The following PREP variants were observed in gnomAD, a reference collection of about 807,000 sequenced individuals.
The protein encoded by PREP is prolyl endopeptidase, also known as dJ355L5.1 (prolyl endopeptidase).
A neutral mutation model predicts 87.6 loss-of-function variants in PREP; 29 were observed. The ratio of observed to expected loss-of-function variants is 0.33; its 90% CI spans 0.25 to 0.45. PREP has a LOEUF of 0.45. Ranked by LOEUF, PREP falls within the 20% of genes least tolerant of loss-of-function variation. PREP has a pLI of 1.00. For synonymous variants in PREP, 337 were observed against 328.6 expected (o/e 1.03, Z -0.28); for missense variants, 695 against 886.5 (o/e 0.78, Z 2.74).
intron 7 of PREP, among the ~76,000 whole-genome samples, chr6:105,347,731 G>A (rs1771834960): frequency 6.6e-6 from 1 of 151,988 alleles, no homozygotes; most frequent in South Asian, 2.1e-4. Context: ...TTAAAAATAA[G>A]GCCAGACACA....
intron 8 of PREP, among the ~76,000 whole-genome samples, chr6:105,332,335 A>C (rs539468751): frequency 1.3e-5 from 2 of 152,240 alleles, no homozygotes; most frequent in Admixed American, 6.5e-5. Flanking sequence ...CCTTCCAGGC[A>C]CAGAAAGCAT....
chr6:105,396,994 G>C (rs2114737071), intron 2 of PREP, among the ~76,000 whole-genome samples: 1 of 152,080 alleles, frequency 6.6e-6, no homozygotes, highest in African/African-American at 2.4e-5. Context: ...GACCAGCCTG[G>C]CCAACATGGT....
intron 10 of PREP, among the ~76,000 whole-genome samples, chr6:105,304,345 C>T (rs1562193047): frequency 6.6e-6 from 1 of 152,108 alleles, no homozygotes; most frequent in Non-Finnish European, 1.5e-5. Context: ...GGAACCAATC[C>T]CCTGTGGAAT....
rs1772680097 is a variant in PREP at position 105,376,128 on chromosome 6, G to A, written c.382C>T (p.Arg128Ter). The A allele has an allele frequency of 2.5e-6, 4 of 1,612,798 alleles. No individual in the cohort carries two copies. The highest frequency in any genetic ancestry group is 3.4e-6 in the Non-Finnish European group (4 of 1,179,438). Reference protein sequence around the residue: ...ILSDDGTVALRGYAFSEDGEY... With the variant: ...ILSDDGTVAL ...GGCCTCTCTGTGTAGCACTTACCTC[G>A]GAGTGCCACTGTGCCATCGTCAGAC... The change falls in exon 4 of 15, where the codon CGA becomes TGA. Residue 128 changes from arginine to a stop codon, truncating the protein, a stop_gained. Transcript: ENST00000652536. LOFTEE classifies it high-confidence loss of function.
chr6:105,347,022 C>T (rs544521888), intron 7 of PREP, among the ~76,000 whole-genome samples: 18 of 151,788 alleles, frequency 1.2e-4, no homozygotes, highest in African/African-American at 4.4e-4. Flanking sequence ...ATCACTTGAA[C>T]CCAGGAGGCG....
intron 8 of PREP, among the ~76,000 whole-genome samples, chr6:105,330,338 TA>T (rs1336378184): frequency 6.6e-6 from 1 of 152,070 alleles, no homozygotes; most frequent in Admixed American, 6.5e-5. Context: ...AAGCGGGAGA[TA>T]AAGTCTGGGC....
rs1351301893 is a variant in PREP, at chr6:105,273,765, T to C, written c.*4379A>G. 1 of 152,740 alleles carries C rather than the reference T, an allele frequency of 6.5e-6. No homozygotes were observed. Among genetic ancestry groups the C allele is most frequent in the Non-Finnish European group, 1.5e-5 (1 of 68,470 alleles). The allele number at this position is 152,740 out of a possible 1,614,324, so 9.5% of individuals were successfully genotyped here. A position where few individuals can be genotyped will look rare whatever the true frequency, so the allele number is the denominator to read the frequency against. ...ACTGAGCTGCCTGCCATCTCTAGTG[T>C]ATCCTCCAGGCCTCGCCTGGCTCCC... is the stretch of plus-strand genomic sequence containing the variant. On this transcript the variant is annotated 3_prime_UTR_variant, in exon 15 of 15. Transcript: ENST00000652536.
At position 105,278,563 on chromosome 6, in the gene PREP, T is replaced by A. The variant is rs1769999863; in HGVS notation, c.1839-125A>T. The A allele has an allele frequency of 9.9e-7, 1 of 1,006,342 alleles. No homozygotes were observed. Among genetic ancestry groups the A allele is most frequent in the Admixed American group, 2.6e-5 (1 of 38,114 alleles). 62.3% of individuals were successfully genotyped at this position (1,006,342 alleles called of 1,614,324 possible). ...TAGTACGTGAGTGACCACCATGGAC[T>A]GTGCCTATGCGTTACCATTTAGGCC... On this transcript the variant is annotated intron_variant, in intron 14 of 14. Coordinates refer to ENST00000652536, the MANE Select transcript of PREP (RefSeq NM_002726.5). The surrounding 1 kb of genome is among the most constrained non-coding windows in gnomAD (Gnocchi z 4.2).
chr6:105,381,470 GA>G (rs1310219767), intron 2 of PREP, among the ~76,000 whole-genome samples: 2 of 152,086 alleles, frequency 1.3e-5, no homozygotes, highest in African/African-American at 4.8e-5. Flanking sequence ...TAAAGAAAAA[GA>G]AAATGGAAGT....
chr6:105,354,156 ACAATC>A (rs1772031268), intron 6 of PREP, among the ~76,000 whole-genome samples: 1 of 152,210 alleles, frequency 6.6e-6, no homozygotes, highest in Non-Finnish European at 1.5e-5. Flanking sequence ...GTATAGTATT[ACAATC>A]CAGAAATATA....
chr6:105,394,039 T>C (rs1257962618), intron 2 of PREP, among the ~76,000 whole-genome samples: 1 of 152,134 alleles, frequency 6.6e-6, no homozygotes, highest in Non-Finnish European at 1.5e-5. Context: ...TGGCTAGTGG[T>C]TATTATATTG....
At chr6:105,320,743 T>C (rs1427797571) in intron 10 of PREP, among the ~76,000 whole-genome samples, 1 of 152,138 alleles carries the variant, frequency 6.6e-6, no homozygotes, top group Non-Finnish European at 1.5e-5. Flanking sequence ...ATGAGGTAAA[T>C]ACAAACCCCA....
chr6:105,342,034 C>A (rs373524030), intron 7 of PREP, among the ~76,000 whole-genome samples: 11 of 152,114 alleles, frequency 7.2e-5, no homozygotes, highest in South Asian at 2.1e-4. Context: ...ACTCATTTTA[C>A]GAGGCCAGCA....
intron 5 of PREP, among the ~76,000 whole-genome samples, chr6:105,369,591 T>C (rs946775671): frequency 1.3e-5 from 2 of 152,180 alleles, no homozygotes; most frequent in Admixed American, 6.5e-5. Context: ...AATGTGGTAT[T>C]AGCAAAACAA....
At chr6:105,333,792 C>G (rs1025210041) in intron 7 of PREP, among the ~76,000 whole-genome samples, 5 of 152,192 alleles carry the variant, frequency 3.3e-5, no homozygotes, top group African/African-American at 1.2e-4. Flanking sequence ...GGCCTCAAAT[C>G]TGGGCACTTC....
intron 4 of PREP, among the ~76,000 whole-genome samples, chr6:105,374,961 T>C (rs1212924416): frequency 1.3e-5 from 2 of 152,044 alleles, no homozygotes; most frequent in Non-Finnish European, 2.9e-5. Context: ...CCTGTCCCTC[T>C]GGATGGGCTG....
intron 6 of PREP, among the ~76,000 whole-genome samples, chr6:105,359,016 G>A (rs1458082958): frequency 1.3e-5 from 2 of 152,018 alleles, no homozygotes; most frequent in African/African-American, 4.8e-5. Flanking sequence ...GGAAAATTTC[G>A]GTCAACTTCC....
Position 105,341,980 on chromosome 6 carries a change from T to G in PREP, c.824-8475A>C, listed in dbSNP as rs534119211. ...ACAAAGAGGAGCTGGTACCATTCCT[T>G]CTGAAACTATTCCAATCAATAGAAA... is the stretch of plus-strand genomic sequence containing the variant. On this transcript the variant is annotated intron_variant, in intron 7 of 14. Transcript: ENST00000652536. Among the ~76,000 whole-genome samples, 3 of 152,304 alleles carry G rather than the reference T, an allele frequency of 2.0e-5. No homozygotes were observed. In the South Asian group the frequency reaches 6.2e-4, roughly 32 times the overall value.
rs1772650203 is a variant in PREP, at chr6:105,374,913, T to C, written c.385+1212A>G. 2.0e-5 allele frequency among the ~76,000 whole-genome samples: 3 copies of C among 151,868 alleles called. No homozygotes were observed. The South Asian group carries it at 6.2e-4, about 32-fold the overall frequency. On this transcript the variant is annotated intron_variant, in intron 4 of 14. Transcript: ENST00000652536. Reference sequence around the variant, plus strand: ...CCATAGCAAACATTCCATAAAGAAGTCACTAGAAGAATGCATTATCGGGGT... The same window carrying C: ...CCATAGCAAACATTCCATAAAGAAGCCACTAGAAGAATGCATTATCGGGGT...
Sources: gnomAD v4.1 joint callset for allele counts (sites outside exome capture counted in the v4.1 genomes callset) on GRCh38, gnomAD v4.1.1 for gene constraint, Gnocchi (gnomAD v3.1) non-coding constraint, MANE v1.5 for transcripts, NCBI Gene and HGNC (gene_info 2026-07-23, HGNC 2026-07-21) for gene names.